The following PXN variants were observed in gnomAD, a reference collection of about 807,000 sequenced individuals.
PXN encodes testicular tissue protein Li 134.
PXN carries 61 observed loss-of-function variants against 103.6 expected under a neutral mutation model. That is an observed-to-expected ratio of 0.59 (90% confidence interval 0.48 to 0.73). The LOEUF (loss-of-function observed/expected upper bound fraction) is 0.73, where lower values mean the gene tolerates loss of function less well. PXN is among the 30% of genes least tolerant of loss of function. The probability of loss-of-function intolerance (pLI) is 0.00; values close to 1 mark genes in which losing one functional copy is unlikely to be tolerated. For missense variants in PXN, 1,274 were observed against 1,460.3 expected (o/e 0.87, Z 2.08); for synonymous variants, 562 against 607.8 (o/e 0.92, Z 1.11).
chr12:120,226,442 G>C, intron 1 of PXN: 1 of 1,288,698 alleles, frequency 7.8e-7, no homozygotes. Flanking sequence ...TGCCAAGGCT[G>C]GATGAAGTGA....
rs57082525 is a variant in PXN, at chr12:120,226,190, T to A, written c.14-1813A>T. On this transcript the variant is annotated intron_variant, in intron 1 of 14. Coordinates refer to ENST00000637617, the MANE Select transcript of PXN (RefSeq NM_001385981.1). ...CTTCACGCAGTGTCCTCATTTCCTC[T>A]GGGCCCAATCAGCAATGGGTGGATC... is the stretch of plus-strand genomic sequence containing the variant. The A allele has an allele frequency of 1.3e-4, 154 of 1,226,246 alleles. 1 individual carries two copies. In the East Asian group the frequency reaches 6.8e-3, roughly 54 times the overall value. The allele number at this position is 1,226,246 out of a possible 1,614,324, so 76.0% of individuals were successfully genotyped here. A position where few individuals can be genotyped will look rare whatever the true frequency, so the allele number is the denominator to read the frequency against.
chr12:120,257,016 T>C (rs1348075613), intron 1 of PXN, among the ~76,000 whole-genome samples: 1 of 152,188 alleles, frequency 6.6e-6, no homozygotes, highest in Non-Finnish European at 1.5e-5. Flanking sequence ...CCACCGCGCC[T>C]GGCCTCAGTA....
rs542439952 is a variant in PXN, at chr12:120,213,530, G to C, written c.2979+312C>G. Among the ~76,000 whole-genome samples, 4 of 152,332 alleles carry C rather than the reference G, an allele frequency of 2.6e-5. No individual in the cohort carries two copies. The East Asian group carries it at 7.7e-4, about 29-fold the overall frequency. ...GTTTTGGAAACCACTGCCCATTTCTGTTGAGTCTGCTAAATACTTGCATTA... is the reference window on the plus strand; with the variant it reads ...GTTTTGGAAACCACTGCCCATTTCTCTTGAGTCTGCTAAATACTTGCATTA... On this transcript the variant is annotated intron_variant, in intron 14 of 14. Coordinates refer to ENST00000637617, the MANE Select transcript of PXN (RefSeq NM_001385981.1). This position sits in a 1 kb window ranked among gnomAD's most constrained non-coding sequence, Gnocchi z 4.2.
intron 1 of PXN, among the ~76,000 whole-genome samples, chr12:120,246,949 G>A (rs1365175887): frequency 6.6e-6 from 1 of 151,816 alleles, no homozygotes; most frequent in African/African-American, 2.4e-5. Context: ...GATCACTTGA[G>A]CCTAGGAGTT....
chr12:120,252,669 AG>A (rs952454056), intron 1 of PXN, among the ~76,000 whole-genome samples: 2 of 152,166 alleles, frequency 1.3e-5, no homozygotes, highest in African/African-American at 4.8e-5. Flanking sequence ...GGGGCCAAGT[AG>A]GAATATGTGT....
rs1037114049 is a variant in PXN, at chr12:120,217,658, C to T, written c.1717-542G>A. 9.2e-5 allele frequency among the ~76,000 whole-genome samples: 14 copies of T among 152,210 alleles called. No homozygotes were observed. The East Asian group carries it at 2.7e-3, about 29-fold the overall frequency. The stretch of plus-strand genomic sequence containing the variant: ...GCAGTGGCGCGATCTGGTCTCACTG[C>T]AACCTCCGCCTCCTGGGTTCAAGAG... On this transcript the variant is annotated intron_variant, in intron 7 of 14. Coordinates refer to ENST00000637617, the MANE Select transcript of PXN (RefSeq NM_001385981.1). This position sits in a 1 kb window ranked among gnomAD's most constrained non-coding sequence, Gnocchi z 4.1.
At position 120,212,295 on chromosome 12, in the gene PXN, A is replaced by G; in HGVS notation, c.*19T>C. 6.2e-7 allele frequency: 1 copy of G among 1,605,302 alleles called. No individual in the cohort carries two copies. Among genetic ancestry groups the G allele is most frequent in the Non-Finnish European group, 8.5e-7 (1 of 1,174,808 alleles). On this transcript the variant is annotated 3_prime_UTR_variant, in exon 15 of 15. Coordinates refer to ENST00000637617, the MANE Select transcript of PXN (RefSeq NM_001385981.1). This position sits in a 1 kb window ranked among gnomAD's most constrained non-coding sequence, Gnocchi z 7.2. ...GGGATGCTGGCTGGGGAAGGGGGGC[A>G]GAGACAGGGGCAGGGCACCTAGCAG...
chr12:120,224,529 C>A lies in PXN; in HGVS notation c.14-152G>T, dbSNP rs540078551. On this transcript the variant is annotated intron_variant, in intron 1 of 14. Coordinates refer to ENST00000637617, the MANE Select transcript of PXN (RefSeq NM_001385981.1). This position sits in a 1 kb window ranked among gnomAD's most constrained non-coding sequence, Gnocchi z 5.0. ...TGACCAGCCTTGGGACAGGAAGCCA[C>A]CAGCCCCGACCAGCCTAACCAAGAG... is the stretch of plus-strand genomic sequence containing the variant. 145 of 734,016 alleles carry A rather than the reference C, an allele frequency of 2.0e-4. No homozygotes were observed. The African/African-American group carries it at 2.0e-3, about 10-fold the overall frequency. 45.5% of individuals were successfully genotyped at this position (734,016 alleles called of 1,614,324 possible). A position where few individuals can be genotyped will look rare whatever the true frequency, so the allele number is the denominator to read the frequency against.
rs542319806 is a variant in PXN at position 120,261,322 on chromosome 12, C to A, written c.13+4295G>T. The stretch of plus-strand genomic sequence containing the variant: ...TCTCCTGCCTCAGCCTCCTGAGTAG[C>A]TGAGACTACAGGCACGCGCCACCAC... On this transcript the variant is annotated intron_variant, in intron 1 of 14. Coordinates refer to ENST00000637617, the MANE Select transcript of PXN (RefSeq NM_001385981.1). 2.6e-5 allele frequency among the ~76,000 whole-genome samples: 4 copies of A among 152,306 alleles called. No individual in the cohort carries two copies. In the East Asian group the frequency reaches 7.7e-4, roughly 29 times the overall value.
chr12:120,239,573 C>G (rs1007980013), intron 1 of PXN, among the ~76,000 whole-genome samples: 3 of 151,796 alleles, frequency 2.0e-5, no homozygotes, highest in Admixed American at 2.0e-4. Flanking sequence ...CAGAGTGAGA[C>G]TCCGTCTCAA....
intron 1 of PXN, among the ~76,000 whole-genome samples, chr12:120,235,940 C>T (rs1888956590): frequency 6.6e-6 from 1 of 152,238 alleles, no homozygotes; most frequent in African/African-American, 2.4e-5. Context: ...AAGAGACACA[C>T]AGGCAGACAA....
At chr12:120,263,456 G>A (rs935931634) in intron 1 of PXN, among the ~76,000 whole-genome samples, 1 of 152,106 alleles carries the variant, frequency 6.6e-6, no homozygotes, top group African/African-American at 2.4e-5. Context: ...CCTCCTTCAA[G>A]TGCCCTTGCC....
chr12:120,223,912 C>T (rs1886038122), intron 2 of PXN, 79 bp from the exon 3 acceptor site: 1 of 1,141,208 alleles, frequency 8.8e-7, no homozygotes, highest in Non-Finnish European at 1.3e-6. Flanking sequence ...CAGTCACCCC[C>T]AGGAGGCTCC....
Position 120,216,490 on chromosome 12 carries a change from T to G in PXN, c.2084A>C (p.Asp695Ala), listed in dbSNP as rs1883054465. The G allele has an allele frequency of 7.2e-7, 1 of 1,382,022 alleles. No individual in the cohort carries two copies. The highest frequency in any genetic ancestry group is 1.7e-5 in the South Asian group (1 of 58,538). 85.6% of individuals were successfully genotyped at this position (1,382,022 alleles called of 1,614,324 possible). A position where few individuals can be genotyped will look rare whatever the true frequency, so the allele number is the denominator to read the frequency against. Residue 695 changes from aspartate (D) to alanine (A), a missense_variant, in exon 9 of 15, where the codon GAC (aspartate) becomes GCC (alanine). Asp to Ala is a moderately radical substitution (Grantham distance 126). This residue lies in a region of PXN where 1,178 missense variants were observed against 1,309.0 expected (regional missense o/e 0.90). Coordinates refer to ENST00000637617, the MANE Select transcript of PXN (RefSeq NM_001385981.1). The surrounding 1 kb of genome is among the most constrained non-coding windows in gnomAD (Gnocchi z 5.1). ...GGGAGAAGAGCTGCTGGCCGCGGCG[T>G]CTGTGCGATGCTGGAGCAAAGGGAC... The part of the protein sequence containing the change: ...PSVPLLQHRT[D>A]AAASSSSPLP...
Position 120,265,472 on chromosome 12 carries a change from C to T in PXN, c.13+145G>A. On this transcript the variant is annotated intron_variant, in intron 1 of 14. Transcript: ENST00000637617. This position sits in a 1 kb window ranked among gnomAD's most constrained non-coding sequence, Gnocchi z 5.7. Reference sequence around the variant, plus strand: ...AAGGCCCGGTTAGGGATCCCAGCCCCGCGGAGCCCCGGCCGGCAGGGACAG... The same window carrying T: ...AAGGCCCGGTTAGGGATCCCAGCCCTGCGGAGCCCCGGCCGGCAGGGACAG... 1 of 959,514 alleles carries T rather than the reference C, an allele frequency of 1.0e-6. No individual in the cohort carries two copies. The highest frequency in any genetic ancestry group is 1.8e-5 in the African/African-American group (1 of 56,426). 59.4% of individuals were successfully genotyped at this position (959,514 alleles called of 1,614,324 possible).
intron 1 of PXN, among the ~76,000 whole-genome samples, chr12:120,244,462 C>G (rs536554337): frequency 1.1e-4 from 16 of 151,794 alleles, no homozygotes; most frequent in African/African-American, 3.9e-4. Context: ...CTGGCTAACA[C>G]GGTGAAACCC....
chr12:120,238,728 A>G (rs1295929651), intron 1 of PXN, among the ~76,000 whole-genome samples: 1 of 152,208 alleles, frequency 6.6e-6, no homozygotes, highest in Non-Finnish European at 1.5e-5. Flanking sequence ...AAACTGGGTG[A>G]CTGTTCAGGT....
intron 1 of PXN, among the ~76,000 whole-genome samples, chr12:120,255,419 C>T (rs1021868134): frequency 1.3e-5 from 2 of 152,154 alleles, no homozygotes; most frequent in Non-Finnish European, 2.9e-5. Context: ...AGGAACAGGC[C>T]GGGCGCGGTG....
At chr12:120,227,576 T>C (rs1887138983) in intron 1 of PXN, among the ~76,000 whole-genome samples, 1 of 152,162 alleles carries the variant, frequency 6.6e-6, no homozygotes, top group African/African-American at 2.4e-5. Context: ...TCCAAAGTTT[T>C]GTCTATTTGA....
Sources: allele counts gnomAD v4.1 joint callset (sites outside exome capture counted in the v4.1 genomes callset), GRCh38; gene constraint gnomAD v4.1.1; regional missense constraint gnomAD v4.1.1; non-coding constraint Gnocchi (gnomAD v3.1); transcripts MANE v1.5; gene names NCBI Gene and HGNC (gene_info 2026-07-23, HGNC 2026-07-21).